The following PYM1 variants were observed in gnomAD, a reference collection of about 807,000 sequenced individuals.
PYM1 encodes the protein partner of Y14 and mago.
A neutral mutation model predicts 20.7 loss-of-function variants in PYM1; 7 were observed. That is an observed-to-expected ratio of 0.34 (90% CI 0.19 to 0.64). The LOEUF (loss-of-function observed/expected upper bound fraction) is 0.64, where lower values mean the gene tolerates loss of function less well. Ranked by LOEUF, PYM1 falls within the 30% of genes least tolerant of loss-of-function variation. PYM1 has a pLI of 0.74. For missense variants in PYM1, 194 were observed against 250.0 expected, an observed-to-expected ratio of 0.78 and a Z score of 1.51; for synonymous variants, 100 against 99.2, an observed-to-expected ratio of 1.01 and a Z score of -0.05.
At chr12:55,917,126 T>C (rs1883021494) in intron 1 of PYM1, among the ~76,000 whole-genome samples, 1 of 150,612 alleles carries the variant, frequency 6.6e-6, no homozygotes, top group African/African-American at 2.5e-5. Context: ...ATTTAAAAAG[T>C]AGTTTGTCAG....
intron 1 of PYM1, among the ~76,000 whole-genome samples, chr12:55,915,504 G>C (rs1882990478): frequency 6.7e-6 from 1 of 148,608 alleles, no homozygotes; most frequent in East Asian, 2.0e-4. Context: ...GGAGGCAGAG[G>C]TTGCAGATCA....
chr12:55,926,583 C>A, intron 1 of PYM1, among the ~76,000 whole-genome samples: 1 of 152,078 alleles, frequency 6.6e-6, no homozygotes, highest in East Asian at 1.9e-4. Context: ...AGTGACCCAA[C>A]AAATGAAGAT....
intron 1 of PYM1, among the ~76,000 whole-genome samples, chr12:55,920,456 G>A (rs1226001007): frequency 6.6e-6 from 1 of 151,842 alleles, no homozygotes; most frequent in Non-Finnish European, 1.5e-5. Flanking sequence ...TAGACAACAT[G>A]GTAAAACACC....
chr12:55,904,376 G>A (rs1223983754), intron 1 of PYM1, among the ~76,000 whole-genome samples: 3 of 150,572 alleles, frequency 2.0e-5, no homozygotes, highest in East Asian at 2.0e-4. Flanking sequence ...GTTGAATCAC[G>A]AGGTCAGGAG....
intron 1 of PYM1, among the ~76,000 whole-genome samples, chr12:55,905,052 A>T (rs868428998): frequency 2.2e-4 from 33 of 151,426 alleles, no homozygotes; most frequent in Non-Finnish European, 3.4e-4. Flanking sequence ...CCCAGGCTGG[A>T]GTGCAGTGGC....
chr12:55,901,641 T>G lies in PYM1; in HGVS notation c.*231A>C. Reference sequence around the variant, plus strand: ...CAGCAAAGGTACCTGGGGTAGTCACTGAGATTTTGAACACTGGGAATGGGA... The same window carrying G: ...CAGCAAAGGTACCTGGGGTAGTCACGGAGATTTTGAACACTGGGAATGGGA... On this transcript the variant is annotated 3_prime_UTR_variant, in exon 3 of 3. Coordinates refer to ENST00000408946, the MANE Select transcript of PYM1 (RefSeq NM_032345.3). 1 of 536,284 alleles carries G rather than the reference T, an allele frequency of 1.9e-6. No individual in the cohort carries two copies. The highest frequency in any genetic ancestry group is 3.2e-6 in the Non-Finnish European group (1 of 315,772). The allele number at this position is 536,284 out of a possible 1,614,324, so 33.2% of individuals were successfully genotyped here.
chr12:55,905,127 G>A (rs1010144107), intron 1 of PYM1, among the ~76,000 whole-genome samples: 8 of 150,196 alleles, frequency 5.3e-5, no homozygotes, highest in Admixed American at 6.6e-5. Context: ...TCAGCCTCCC[G>A]AGTAGCTGGG....
chr12:55,903,563 A>G (rs953752631), intron 1 of PYM1, 83 bp from the exon 2 acceptor site: 2 of 1,326,094 alleles, frequency 1.5e-6, no homozygotes, highest in Non-Finnish European at 2.1e-6. Flanking sequence ...AAATGTACAT[A>G]CCATCTCTCA....
At chr12:55,920,413 C>T (rs1273259786) in intron 1 of PYM1, among the ~76,000 whole-genome samples, 4 of 151,722 alleles carry the variant, frequency 2.6e-5, no homozygotes, top group South Asian at 2.1e-4. Flanking sequence ...CCAAGGTGGG[C>T]GATCCTTTGA....
At position 55,911,372 on chromosome 12, in the gene PYM1, A is replaced by G. The variant is rs1335983232; in HGVS notation, c.38-7892T>C. On this transcript the variant is annotated intron_variant, in intron 1 of 2. Transcript: ENST00000408946. ...TGTGATCCACCCGCCTCGGCCTCCC[A>G]AAGTGCTGAGATTATAGGTGTGAGT... Among the ~76,000 whole-genome samples the G allele has an allele frequency of 2.0e-5, 3 of 151,526 alleles. No individual in the cohort carries two copies. The East Asian group carries it at 5.9e-4, about 30-fold the overall frequency.
Position 55,927,877 on chromosome 12 carries a change from G to T in PYM1, c.-116C>A. The stretch of plus-strand genomic sequence containing the variant: ...GAGGGCCCTAGTTGCTTCTCGCCCA[G>T]ACCTCCTAACCCTGAGTGCCTCCTC... On this transcript the variant is annotated 5_prime_UTR_variant, in exon 1 of 3. In the 5' UTR this introduces an upstream ATG that the reference lacks. Transcript: ENST00000408946. The T allele has an allele frequency of 7.2e-7, 1 of 1,379,510 alleles. No individual in the cohort carries two copies. The highest frequency in any genetic ancestry group is 9.7e-7 in the Non-Finnish European group (1 of 1,026,546). 85.5% of individuals were successfully genotyped at this position (1,379,510 alleles called of 1,614,324 possible).
chr12:55,911,650 G>A (rs1291687227), intron 1 of PYM1, among the ~76,000 whole-genome samples: 1 of 151,938 alleles, frequency 6.6e-6, no homozygotes, highest in Non-Finnish European at 1.5e-5. Context: ...AAACCAGCCT[G>A]GCCAACATGG....
chr12:55,923,159 G>T (rs1162896701), intron 1 of PYM1, among the ~76,000 whole-genome samples: 1 of 152,128 alleles, frequency 6.6e-6, no homozygotes, highest in Non-Finnish European at 1.5e-5. Flanking sequence ...GGGAGGCAGA[G>T]GTTGCGGTGA....
chr12:55,905,863 A>ATATATATTAT (rs1555180511), intron 1 of PYM1, among the ~76,000 whole-genome samples: 12 of 42,056 alleles, frequency 2.9e-4, no homozygotes, highest in Non-Finnish European at 6.3e-4. Flanking sequence ...TATATTAGAT[A>ATATATATTAT]TATATATATC....
At chr12:55,902,887 C>A (rs773379541) in intron 2 of PYM1, among the ~76,000 whole-genome samples, 2 of 152,072 alleles carry the variant, frequency 1.3e-5, no homozygotes, top group Non-Finnish European at 2.9e-5. Flanking sequence ...CCTGCCTCAG[C>A]CTCCTGAGTA....
intron 1 of PYM1, among the ~76,000 whole-genome samples, chr12:55,908,724 C>T (rs1261626849): frequency 6.6e-6 from 1 of 151,446 alleles, no homozygotes; most frequent in East Asian, 1.9e-4. Context: ...GGTGGCTGGG[C>T]GTCTGTAATC....
chr12:55,901,666 A>G lies in PYM1; in HGVS notation c.*206T>C, dbSNP rs1882689402. 3 of 650,806 alleles carry G rather than the reference A, an allele frequency of 4.6e-6. No homozygotes were observed. The highest frequency in any genetic ancestry group is 5.0e-6 in the Non-Finnish European group (2 of 403,034). The allele number at this position is 650,806 out of a possible 1,614,324, so 40.3% of individuals were successfully genotyped here. A position where few individuals can be genotyped will look rare whatever the true frequency, so the allele number is the denominator to read the frequency against. ...TGAGATTTTGAACACTGGGAATGGG[A>G]GGGGGAAAGTCCAAAAAGTAGAAGT... On this transcript the variant is annotated 3_prime_UTR_variant, in exon 3 of 3. Transcript: ENST00000408946.
intron 1 of PYM1, among the ~76,000 whole-genome samples, chr12:55,905,370 A>G (rs1456433179): frequency 6.6e-6 from 1 of 151,772 alleles, no homozygotes; most frequent in Non-Finnish European, 1.5e-5. Flanking sequence ...ATTTAAGTAC[A>G]TGGAAGCTAT....
At position 55,902,152 on chromosome 12, in the gene PYM1, G is replaced by A. The variant is rs2136255422; in HGVS notation, c.335C>T (p.Thr112Ile). 1 of 1,614,128 alleles carries A rather than the reference G, an allele frequency of 6.2e-7. No homozygotes were observed. The highest frequency in any genetic ancestry group is 2.2e-5 in the East Asian group (1 of 44,858). Residue 112 changes from threonine (T) to isoleucine (I), a missense_variant, in exon 3 of 3, where the codon ACT (threonine) becomes ATT (isoleucine). By Grantham distance (89) the Thr-to-Ile change is moderately conservative. Around this residue, in one of 3 missense-constraint regions of PYM1, gnomAD observed 158 missense variants for 179.0 expected, o/e 0.88. Transcript: ENST00000408946. The stretch of plus-strand genomic sequence containing the variant: ...CTCTTCCAGGGACACCTTATCAAGA[G>A]TCCTGCTCAAGGCCTCTGCCTCTCC... ...EKGEAEALSR[T>I]LDKVSLEETA...
Sources: allele counts gnomAD v4.1 joint callset (sites outside exome capture counted in the v4.1 genomes callset), GRCh38; gene constraint gnomAD v4.1.1; regional missense constraint gnomAD v4.1.1; transcripts MANE v1.5; gene names NCBI Gene and HGNC (gene_info 2026-07-23, HGNC 2026-07-21).